Variants in SLC6A11 observed in about 807,000 individuals in gnomAD.
SLC6A11 encodes solute carrier family 6 member 11, also known as sodium- and chloride-dependent GABA transporter 3.
Under a neutral mutation model 74.8 loss-of-function variants are expected in SLC6A11, and 25 were observed. That is an observed-to-expected ratio of 0.33 (90% CI 0.24 to 0.47). The LOEUF is 0.47. Among genes scored for constraint, SLC6A11 ranks in the 20% least tolerant of loss-of-function variants. The pLI, the probability that SLC6A11 is intolerant of heterozygous loss-of-function variation, is 1.00. For synonymous variants in SLC6A11, 330 were observed against 330.2 expected, an observed-to-expected ratio of 1.00 and a Z score of 0.01; for missense variants, 574 against 837.0, an observed-to-expected ratio of 0.69 and a Z score of 3.88.
chr3:10,919,059 A>G (rs2106629633), intron 8 of SLC6A11, among the ~76,000 whole-genome samples: 1 of 151,990 alleles, frequency 6.6e-6, no homozygotes, highest in African/African-American at 2.4e-5. Flanking sequence ...GGGCCTTTGC[A>G]CATGCTTCCC....
intron 5 of SLC6A11, among the ~76,000 whole-genome samples, chr3:10,872,245 T>C (rs557257147): frequency 1.1e-4 from 17 of 152,326 alleles, no homozygotes; most frequent in Admixed American, 3.9e-4. Context: ...ATGAGTAACT[T>C]CTCTGGCCTT....
intron 7 of SLC6A11, 143 bp downstream of exon 7, chr3:10,912,336 AG>A (rs1040983069): frequency 3.2e-6 from 2 of 631,608 alleles, no homozygotes; most frequent in Non-Finnish European, 5.7e-6. Flanking sequence ...CCACTACCGA[AG>A]GGTCAAAGAG....
At chr3:10,877,837 G>A (rs1350369440) in intron 6 of SLC6A11, among the ~76,000 whole-genome samples, 5 of 152,198 alleles carry the variant, frequency 3.3e-5, no homozygotes, top group Non-Finnish European at 5.9e-5. Flanking sequence ...AAAATCTCAA[G>A]TGTTTACCAC....
chr3:10,851,359 C>G (rs1303167020), intron 5 of SLC6A11, among the ~76,000 whole-genome samples: 2 of 151,344 alleles, frequency 1.3e-5, no homozygotes, highest in Admixed American at 6.6e-5. Flanking sequence ...TGCTTTGGGG[C>G]TCTGTTTTTA....
chr3:10,913,479 C>G (rs988541127), intron 7 of SLC6A11, among the ~76,000 whole-genome samples: 5 of 152,092 alleles, frequency 3.3e-5, no homozygotes, highest in Non-Finnish European at 7.4e-5. Context: ...TTTTGTTTAA[C>G]TTTGAGTACG....
intron 4 of SLC6A11, among the ~76,000 whole-genome samples, chr3:10,840,313 GC>G (rs1694421495): frequency 6.6e-6 from 1 of 152,102 alleles, no homozygotes; most frequent in East Asian, 1.9e-4. Context: ...TCCTGCATAT[GC>G]CCCCCACTTC....
At chr3:10,832,415 G>C (rs1423898788) in intron 4 of SLC6A11, among the ~76,000 whole-genome samples, 2 of 152,182 alleles carry the variant, frequency 1.3e-5, no homozygotes, top group African/African-American at 2.4e-5. Context: ...ACTCTCATGA[G>C]ATTTGCCAAT....
chr3:10,896,962 C>T (rs538814829), intron 6 of SLC6A11, among the ~76,000 whole-genome samples: 15 of 152,188 alleles, frequency 9.9e-5, no homozygotes, highest in African/African-American at 3.4e-4. Flanking sequence ...TCTTACAGTT[C>T]CACGTGGCTG....
At chr3:10,895,207 T>C (rs1695156215) in intron 6 of SLC6A11, among the ~76,000 whole-genome samples, 1 of 152,186 alleles carries the variant, frequency 6.6e-6, no homozygotes, top group Non-Finnish European at 1.5e-5. Context: ...CCACTCACCT[T>C]TTTTAAAACT....
chr3:10,891,498 T>C (rs527265289), intron 6 of SLC6A11, among the ~76,000 whole-genome samples: 1 of 152,336 alleles, frequency 6.6e-6, no homozygotes, highest in East Asian at 1.9e-4. Context: ...ATAATTTCCA[T>C]AGTTTTATAT....
At chr3:10,827,988 T>A (rs1694237360) in intron 4 of SLC6A11, among the ~76,000 whole-genome samples, 1 of 152,220 alleles carries the variant, frequency 6.6e-6, no homozygotes. Context: ...GTCTTCCTAA[T>A]GTCAGACTTC....
chr3:10,870,843 A>G (rs1694820781), intron 5 of SLC6A11, among the ~76,000 whole-genome samples: 2 of 152,192 alleles, frequency 1.3e-5, no homozygotes, highest in Admixed American at 6.5e-5. Flanking sequence ...TTTCTGGGCT[A>G]ATGCCTGCCA....
At chr3:10,835,476 T>C (rs928970135) in intron 4 of SLC6A11, among the ~76,000 whole-genome samples, 4 of 152,226 alleles carry the variant, frequency 2.6e-5, no homozygotes, top group African/African-American at 9.6e-5. Flanking sequence ...GCAGGACCTC[T>C]GTTCACTTCT....
In SLC6A11 at chr3:10,934,084, A is replaced by G. The variant is rs1180830649; in HGVS notation, c.1493A>G (p.Asp498Gly). ...GWVYGSNRFY[D>G]NIEDMIGYRP... ...CGGACAGGAAGCAACCGGTTCTATG[A>G]TAACATTGAAGACATGATTGGCTAC... The change falls in exon 12 of 14, where the codon GAT becomes GGT. Residue 498 changes from aspartate (D) to glycine (G), a missense_variant. This residue lies in a region of SLC6A11 where 257 missense variants were observed against 341.5 expected (regional missense o/e 0.75). Transcript: ENST00000254488. 3.7e-6 allele frequency: 6 copies of G among 1,613,080 alleles called. No homozygotes were observed. The highest frequency in any genetic ancestry group is 5.1e-6 in the Non-Finnish European group (6 of 1,179,184).
At chr3:10,838,396 G>A (rs970955139) in intron 4 of SLC6A11, among the ~76,000 whole-genome samples, 1 of 152,150 alleles carries the variant, frequency 6.6e-6, no homozygotes, top group Admixed American at 6.5e-5. Flanking sequence ...CCCAACCTTG[G>A]GCTCACTTTC....
intron 8 of SLC6A11, among the ~76,000 whole-genome samples, chr3:10,925,265 A>G (rs945296123): frequency 5.9e-5 from 9 of 152,270 alleles, no homozygotes; most frequent in Non-Finnish European, 8.8e-5. Flanking sequence ...TACCTGCTTC[A>G]GTGCTTTCCA....
rs1256941558 is a variant in SLC6A11, at chr3:10,935,061, G to T, written c.1608G>T (p.Lys536Asn). 2 of 1,613,786 alleles carry T rather than the reference G, an allele frequency of 1.2e-6. No individual in the cohort carries two copies. Among genetic ancestry groups the T allele is most frequent in the Non-Finnish European group, 1.7e-6 (2 of 1,179,962 alleles). ...TCATCTTCTTCTTGATCAAGTACAA[G>T]CCACTCAAGTACAACAACATCTACA... ...GIFIFFLIKYKPLKYNNIYTY... is the reference protein window; with the variant it reads ...GIFIFFLIKYNPLKYNNIYTY... The change falls in exon 13 of 14, where the codon AAG (lysine) becomes AAT (asparagine). Residue 536 changes from lysine (K) to asparagine (N), a missense_variant. Transcript: ENST00000254488.
At chr3:10,899,113 C>G (rs898192962) in intron 6 of SLC6A11, among the ~76,000 whole-genome samples, 4 of 152,164 alleles carry the variant, frequency 2.6e-5, no homozygotes, top group East Asian at 1.9e-4. Flanking sequence ...CCCACTGGTC[C>G]CTCCCACAAC....
At chr3:10,834,683 A>T (rs903482705) in intron 4 of SLC6A11, among the ~76,000 whole-genome samples, 1 of 152,210 alleles carries the variant, frequency 6.6e-6, no homozygotes, top group African/African-American at 2.4e-5. Context: ...GGCAGATGGA[A>T]GACATGCAGG....
Sources: gnomAD v4.1 joint callset for allele counts (sites outside exome capture counted in the v4.1 genomes callset) on GRCh38, gnomAD v4.1.1 for gene constraint, gnomAD v4.1.1 regional missense constraint, MANE v1.5 for transcripts, NCBI Gene and HGNC (gene_info 2026-07-23, HGNC 2026-07-21) for gene names.